RGS7: variants seen among roughly 807,000 people sequenced by gnomAD.
The protein encoded by RGS7 is regulator of G protein signaling 7, also known as regulator of G-protein signaling 7.
Under a neutral mutation model 81.1 loss-of-function variants are expected in RGS7, and 27 were observed. The ratio of observed to expected loss-of-function variants is 0.33; its 90% CI spans 0.25 to 0.46. RGS7 has a LOEUF of 0.46. Ranked by LOEUF, RGS7 falls within the 20% of genes least tolerant of loss-of-function variation. The pLI, the probability that RGS7 is intolerant of heterozygous loss-of-function variation, is 1.00. For missense variants in RGS7, 396 were observed against 607.4 expected (o/e 0.65, Z 3.66); for synonymous variants, 208 against 207.7 (o/e 1.00, Z -0.01).
chr1:241,179,755 C>T (rs532916082), intron 2 of RGS7, among the ~76,000 whole-genome samples: 3 of 152,148 alleles, frequency 2.0e-5, no homozygotes, highest in Non-Finnish European at 4.4e-5. Context: ...ACATCACAGC[C>T]TGTTGACTTC....
intron 2 of RGS7, among the ~76,000 whole-genome samples, chr1:241,216,011 C>T (rs1311035118): frequency 6.6e-6 from 1 of 152,192 alleles, no homozygotes; most frequent in Non-Finnish European, 1.5e-5. Flanking sequence ...GTGGCTCACG[C>T]CTGTCATCCC....
intron 3 of RGS7, among the ~76,000 whole-genome samples, chr1:241,000,309 C>G (rs1687940020): frequency 6.6e-6 from 1 of 152,066 alleles, no homozygotes; most frequent in Non-Finnish European, 1.5e-5. Flanking sequence ...TTCAAAAAGG[C>G]ACAAGGAAAC....
intron 9 of RGS7, among the ~76,000 whole-genome samples, chr1:240,834,265 C>T (rs555544693): frequency 3.9e-5 from 6 of 152,320 alleles, no homozygotes; most frequent in African/African-American, 1.4e-4. Flanking sequence ...TCCATTCACT[C>T]TTCTCTATAG....
At chr1:241,352,920 C>A (rs1349823126) in intron 2 of RGS7, among the ~76,000 whole-genome samples, 5 of 152,204 alleles carry the variant, frequency 3.3e-5, no homozygotes, top group Non-Finnish European at 7.3e-5. Context: ...ACATACATAT[C>A]TTGAGTGTGT....
intron 9 of RGS7, among the ~76,000 whole-genome samples, chr1:240,836,217 C>T (rs943120615): frequency 6.6e-6 from 1 of 152,108 alleles, no homozygotes; most frequent in Non-Finnish European, 1.5e-5. Context: ...GTACTTTCCA[C>T]TTAATTTTGC....
intron 2 of RGS7, among the ~76,000 whole-genome samples, chr1:241,128,777 C>CAAAAAAAAAAAAAAAA (rs71172680): frequency 1.3e-5 from 1 of 77,940 alleles, no homozygotes; most frequent in African/African-American, 4.4e-5. Flanking sequence ...GAATAATAGG[C>CAAAAAAAAAAAAAAAA]AAAAAAAAAA....
At chr1:240,913,969 A>C (rs1296176128) in intron 6 of RGS7, among the ~76,000 whole-genome samples, 2 of 151,634 alleles carry the variant, frequency 1.3e-5, no homozygotes, top group African/African-American at 4.8e-5. Context: ...TGTGCAGGTT[A>C]GTTACATATG....
intron 2 of RGS7, among the ~76,000 whole-genome samples, chr1:241,312,770 A>C (rs1200545703): frequency 6.6e-6 from 1 of 152,226 alleles, no homozygotes; most frequent in Admixed American, 6.5e-5. Context: ...GAAGAGTCAC[A>C]CATTTCTCAC....
At chr1:241,283,143 T>C (rs1365340320) in intron 2 of RGS7, among the ~76,000 whole-genome samples, 3 of 152,174 alleles carry the variant, frequency 2.0e-5, no homozygotes, top group Non-Finnish European at 4.4e-5. Flanking sequence ...CATCAGACAG[T>C]GCTGTAGTTT....
chr1:241,015,668 G>C (rs1200405195), intron 3 of RGS7, among the ~76,000 whole-genome samples: 1 of 152,022 alleles, frequency 6.6e-6, no homozygotes, highest in Non-Finnish European at 1.5e-5. Context: ...ACAAAATTTT[G>C]GTACATTGCT....
intron 2 of RGS7, among the ~76,000 whole-genome samples, chr1:241,289,012 G>T (rs1450381591): frequency 1.3e-5 from 2 of 152,180 alleles, no homozygotes; most frequent in African/African-American, 4.8e-5. Flanking sequence ...TTCAGTCTCT[G>T]CAAATGCCCA....
chr1:240,932,876 CTTTTTTTT>C (rs36194238), intron 5 of RGS7, among the ~76,000 whole-genome samples: 27 of 57,294 alleles, frequency 4.7e-4, no homozygotes, highest in Non-Finnish European at 7.2e-4. Flanking sequence ...TGGTATCTTT[CTTTTTTTT>C]TTTTTTTTTT....
Position 241,164,315 on chromosome 1 carries a change from AAACCTTTGGCC to A in RGS7, c.79-65564_79-65554del, listed in dbSNP as rs1435303748. The stretch of plus-strand genomic sequence containing the variant: ...CTTCATTATGTAAGCATGATTGACT[AAACCTTTGGCC>A]ATTGGTGGTCAACTTAACCTTCAGC... On this transcript the variant is annotated intron_variant, in intron 2 of 18. Coordinates refer to ENST00000440928, the MANE Select transcript of RGS7 (RefSeq NM_001364886.1). The surrounding 1 kb of genome is among the most constrained non-coding windows in gnomAD (Gnocchi z 4.1). 3.3e-5 allele frequency among the ~76,000 whole-genome samples: 5 copies of A among 151,754 alleles called. No individual in the cohort carries two copies. The highest frequency in any genetic ancestry group is 1.2e-4 in the African/African-American group (5 of 41,272).
chr1:241,147,043 A>G (rs2068362551), intron 2 of RGS7, among the ~76,000 whole-genome samples: 1 of 152,094 alleles, frequency 6.6e-6, no homozygotes, highest in African/African-American at 2.4e-5. Context: ...TGCCTTACTG[A>G]TAGCTAAGGT....
At chr1:240,842,673 A>G (rs1658283765) in intron 9 of RGS7, among the ~76,000 whole-genome samples, 2 of 152,088 alleles carry the variant, frequency 1.3e-5, no homozygotes, top group Admixed American at 1.3e-4. Flanking sequence ...CAAGAGTGTA[A>G]AACTCAGTTC....
chr1:240,800,596 A>G, intron 18 of RGS7, 45 bp downstream of exon 18: 1 of 1,253,854 alleles, frequency 8.0e-7, no homozygotes, highest in Non-Finnish European at 1.1e-6. Context: ...ACACAACTCA[A>G]CAGACAATGC....
chr1:241,113,233 G>A (rs1004057126), intron 2 of RGS7, among the ~76,000 whole-genome samples: 10 of 152,070 alleles, frequency 6.6e-5, no homozygotes, highest in African/African-American at 2.4e-4. Context: ...ATGATCCTAT[G>A]AAGAAATGAA....
At chr1:241,082,750 T>C (rs1403609495) in intron 3 of RGS7, among the ~76,000 whole-genome samples, 3 of 152,176 alleles carry the variant, frequency 2.0e-5, no homozygotes, top group Non-Finnish European at 4.4e-5. Context: ...AAAAGATAAA[T>C]ATTTAAAGTG....
At chr1:241,085,991 A>G (rs1475894423) in intron 3 of RGS7, among the ~76,000 whole-genome samples, 3 of 152,202 alleles carry the variant, frequency 2.0e-5, no homozygotes, top group Admixed American at 1.3e-4. Flanking sequence ...AAGGCCAGAA[A>G]CTAACAGCAA....
Sources: allele counts gnomAD v4.1 joint callset (sites outside exome capture counted in the v4.1 genomes callset), GRCh38; gene constraint gnomAD v4.1.1; non-coding constraint Gnocchi (gnomAD v3.1); transcripts MANE v1.5; gene names NCBI Gene and HGNC (gene_info 2026-07-23, HGNC 2026-07-21).